The following ANXA2 variants were observed in gnomAD, a reference collection of about 807,000 sequenced individuals.
ANXA2 encodes the protein annexin A2.
ANXA2 carries 28 observed loss-of-function variants against 47.3 expected under a neutral mutation model. That is an observed-to-expected ratio of 0.59 (90% CI 0.44 to 0.81). ANXA2 has a LOEUF of 0.81. Ranked by LOEUF, ANXA2 falls within the 40% of genes least tolerant of loss-of-function variation. The probability of loss-of-function intolerance (pLI) is 0.00; values close to 1 mark genes in which losing one functional copy is unlikely to be tolerated. For synonymous variants in ANXA2, 172 were observed against 155.5 expected (o/e 1.11, Z -0.79); for missense variants, 384 against 414.3 (o/e 0.93, Z 0.64).
At chr15:60,377,450 A>C (rs2062796213) in intron 3 of ANXA2, among the ~76,000 whole-genome samples, 1 of 152,244 alleles carries the variant, frequency 6.6e-6, no homozygotes, top group African/African-American at 2.4e-5. Flanking sequence ...ACAATTCCAT[A>C]TACAGGCATA....
chr15:60,387,743 G>A (rs958961500), intron 1 of ANXA2, among the ~76,000 whole-genome samples: 6 of 152,286 alleles, frequency 3.9e-5, no homozygotes, highest in African/African-American at 7.2e-5. Context: ...GAGTGGTAAC[G>A]ATGTGTCAAT....
intron 5 of ANXA2, 76 bp downstream of exon 5, chr15:60,360,865 C>T: frequency 1.1e-6 from 1 of 949,802 alleles, no homozygotes; most frequent in Non-Finnish European, 1.7e-6. Flanking sequence ...TGAAAATCAC[C>T]AAATTACACT....
At chr15:60,354,262 A>G in intron 7 of ANXA2, 49 bp from the exon 8 acceptor site, 2 of 1,463,730 alleles carry the variant, frequency 1.4e-6, no homozygotes, top group Non-Finnish European at 1.9e-6. Flanking sequence ...TGTGTATTTT[A>G]AAACTGAAAA....
intron 3 of ANXA2, among the ~76,000 whole-genome samples, chr15:60,365,567 A>C (rs1052697829): frequency 1.3e-5 from 2 of 152,222 alleles, no homozygotes; most frequent in Non-Finnish European, 2.9e-5. Context: ...GAAGAAACAG[A>C]AAGGTCAAAA....
intron 3 of ANXA2, among the ~76,000 whole-genome samples, chr15:60,381,042 C>T (rs2140907071): frequency 6.6e-6 from 1 of 152,094 alleles, no homozygotes; most frequent in South Asian, 2.1e-4. Flanking sequence ...CCAGATTCTA[C>T]ATGGTTTTAG....
At chr15:60,382,118 G>A (rs968881313) in intron 3 of ANXA2, among the ~76,000 whole-genome samples, 1 of 150,720 alleles carries the variant, frequency 6.6e-6, no homozygotes, top group Non-Finnish European at 1.5e-5. Context: ...AAGAGGGAGA[G>A]AAGGAAGAAA....
rs763193455 is a variant in ANXA2, at chr15:60,349,214, T to C, written c.838-17A>G. On this transcript the variant is annotated splice_polypyrimidine_tract_variant and intron_variant, in intron 11 of 12. Coordinates refer to ENST00000451270, the MANE Select transcript of ANXA2 (RefSeq NM_004039.3). ...CCCCTTGCCCTGAAAATCAAGTTGA[T>C]ATTTGTTACATTCGCTGAGAATGTT... The C allele has an allele frequency of 1.9e-6, 3 of 1,613,218 alleles. No individual in the cohort carries two copies. The highest frequency in any genetic ancestry group is 2.5e-6 in the Non-Finnish European group (3 of 1,179,452).
rs534516336 is a variant in ANXA2, at chr15:60,361,578, A to G, written c.244-524T>C. On this transcript the variant is annotated intron_variant, in intron 4 of 12. Transcript: ENST00000451270. Reference sequence around the variant, plus strand: ...CCGCAACACAGTTGGAAGTGAGGTCATGAAACTTTCCTATGCAAAACACTT... The same window carrying G: ...CCGCAACACAGTTGGAAGTGAGGTCGTGAAACTTTCCTATGCAAAACACTT... 8.9e-5 allele frequency: 14 copies of G among 156,636 alleles called. 1 individual carries two copies. The South Asian group carries it at 2.7e-3, about 30-fold the overall frequency. The allele number at this position is 156,636 out of a possible 1,614,324, so 9.7% of individuals were successfully genotyped here.
intron 3 of ANXA2, among the ~76,000 whole-genome samples, chr15:60,373,734 A>G (rs977684103): frequency 2.6e-5 from 4 of 152,208 alleles, no homozygotes; most frequent in African/African-American, 9.6e-5. Context: ...TATAGAACAG[A>G]GATAATGATA....
intron 1 of ANXA2, among the ~76,000 whole-genome samples, chr15:60,388,008 T>G (rs1166842653): frequency 6.6e-6 from 1 of 151,812 alleles, no homozygotes; most frequent in African/African-American, 2.4e-5. Flanking sequence ...GCCAACATGG[T>G]GAAACCCCAT....
chr15:60,386,100 A>G lies in ANXA2; in HGVS notation c.-11-14T>C. On this transcript the variant is annotated splice_polypyrimidine_tract_variant and intron_variant, in intron 1 of 12. Transcript: ENST00000451270. ...TTTTGAAGGAAGCTGGAAAAAAAGT[A>G]CAACAAAAAGTCTTTATGAAGAGGC... 1.9e-6 allele frequency: 3 copies of G among 1,597,084 alleles called. No individual in the cohort carries two copies. The highest frequency in any genetic ancestry group is 2.6e-6 in the Non-Finnish European group (3 of 1,166,088).
At chr15:60,375,681 G>A (rs1221140607) in intron 3 of ANXA2, among the ~76,000 whole-genome samples, 2 of 152,102 alleles carry the variant, frequency 1.3e-5, no homozygotes, top group East Asian at 1.9e-4. Flanking sequence ...ACCTCAGGAC[G>A]GAGCATACAT....
At chr15:60,353,207 G>A (rs1049844135) in intron 8 of ANXA2, among the ~76,000 whole-genome samples, 5 of 151,980 alleles carry the variant, frequency 3.3e-5, no homozygotes, top group Admixed American at 2.6e-4. Flanking sequence ...TGAGATAATC[G>A]TTGTCCCTCT....
chr15:60,394,413 GGTGGGCCAGGCATA>G (rs772107994), intron 1 of ANXA2, among the ~76,000 whole-genome samples: 162 of 152,198 alleles, frequency 1.1e-3, no homozygotes, highest in Non-Finnish European at 2.0e-3. Context: ...AAAGCTTCAG[GGTGGGCCAGGCATA>G]GTGGCTCACG....
chr15:60,375,478 C>G lies in ANXA2; in HGVS notation c.148+6864G>C, dbSNP rs530054460. Reference sequence around the variant, plus strand: ...TGACTCTCCTTTCTAGTTATTTGGACCCATATGGTAAACCATTCACAGCTG... The same window carrying G: ...TGACTCTCCTTTCTAGTTATTTGGAGCCATATGGTAAACCATTCACAGCTG... On this transcript the variant is annotated intron_variant, in intron 3 of 12. Coordinates refer to ENST00000451270, the MANE Select transcript of ANXA2 (RefSeq NM_004039.3). Among the ~76,000 whole-genome samples, 5 of 152,250 alleles carry G rather than the reference C, an allele frequency of 3.3e-5. No homozygotes were observed. In the East Asian group the frequency reaches 9.7e-4, roughly 29 times the overall value.
At position 60,357,158 on chromosome 15, in the gene ANXA2, C is replaced by T; in HGVS notation, c.436G>A (p.Val146Ile). The change falls in exon 6 of 13, where the codon GTC (valine) becomes ATC (isoleucine). Residue 146 changes from valine to isoleucine, a missense_variant. Physicochemically the swap from Val to Ile is conservative, Grantham distance 29. Coordinates refer to ENST00000451270, the MANE Select transcript of ANXA2 (RefSeq NM_004039.3). ...TNQELQEINR[V>I]YKEMYKTDLE... ...TCAAGCTACTCACTTTCCTTGTAGA[C>T]TCTGTTAATTTCCTGCAGCTCCTGG... 1 of 1,613,964 alleles carries T rather than the reference C, an allele frequency of 6.2e-7. No homozygotes were observed. Among genetic ancestry groups the T allele is most frequent in the Non-Finnish European group, 8.5e-7 (1 of 1,179,924 alleles).
Position 60,351,739 on chromosome 15 carries a change from C to T in ANXA2, c.763G>A (p.Ala255Thr), listed in dbSNP as rs754340964. 6.2e-7 allele frequency: 1 copy of T among 1,611,988 alleles called. No homozygotes were observed. Among genetic ancestry groups the T allele is most frequent in the African/African-American group, 1.3e-5 (1 of 74,874 alleles). The change falls in exon 10 of 13, where the codon GCT becomes ACT. Residue 255 changes from alanine to threonine, a missense_variant. Transcript: ENST00000451270. ...ATTCACTTACCCAGGTTCAGGAAAGCATTTTCCAGGTCTCCTTTAACCTCT... is the reference window on the plus strand; with the variant it reads ...ATTCACTTACCCAGGTTCAGGAAAGTATTTTCCAGGTCTCCTTTAACCTCT... ...RKEVKGDLEN[A>T]FLNLVQCIQN...
intron 12 of ANXA2, 58 bp downstream of exon 12, chr15:60,349,017 G>A (rs1475428553): frequency 2.5e-6 from 4 of 1,599,584 alleles, no homozygotes; most frequent in East Asian, 2.2e-5. Context: ...CAGGCCACCT[G>A]CCAGGGCCCG....
intron 3 of ANXA2, among the ~76,000 whole-genome samples, chr15:60,366,130 T>C (rs376287958): frequency 9.1e-5 from 12 of 131,890 alleles, no homozygotes; most frequent in South Asian, 8.0e-4. Flanking sequence ...GGATTGCAGA[T>C]GGAGTCTCGT....
Sources: allele counts gnomAD v4.1 joint callset (sites outside exome capture counted in the v4.1 genomes callset), GRCh38; gene constraint gnomAD v4.1.1; transcripts MANE v1.5; gene names NCBI Gene and HGNC (gene_info 2026-07-23, HGNC 2026-07-21).